Variants in RAB38 observed in about 807,000 individuals in gnomAD.
RAB38 encodes RAB38, member RAS oncogene family, also known as ras-related protein Rab-38.
Under a neutral mutation model 18.4 loss-of-function variants are expected in RAB38, and 15 were observed. The ratio of observed to expected loss-of-function variants is 0.82; its 90% CI spans 0.55 to 1.26. The LOEUF (loss-of-function observed/expected upper bound fraction) is 1.26, where lower values mean the gene tolerates loss of function less well. RAB38 is among the 50% of genes most tolerant of loss of function. RAB38 has a pLI of 0.00. For synonymous variants in RAB38, 101 were observed against 104.4 expected, an observed-to-expected ratio of 0.97 and a Z score of 0.20; for missense variants, 294 against 267.4, an observed-to-expected ratio of 1.10 and a Z score of -0.69.
the RAB38 span, among the ~76,000 whole-genome samples, chr11:87,953,088 G>T: frequency 6.6e-6 from 1 of 151,992 alleles, no homozygotes; most frequent in African/African-American, 2.4e-5. Context: ...GACTCCTGAT[G>T]ATCATTTCAT....
chr11:87,950,024 TAA>T, the RAB38 span, among the ~76,000 whole-genome samples: 2 of 152,210 alleles, frequency 1.3e-5, no homozygotes, highest in African/African-American at 4.8e-5. Flanking sequence ...TGTGGGAGTC[TAA>T]GTTTCTTTGT....
At chr11:88,003,526 G>GTATAATAGATTGTATATATTATATAATA in the RAB38 span, among the ~76,000 whole-genome samples, 62 of 672 alleles carry the variant, frequency 0.092, 29 homozygotes, top group South Asian at 0.43. Context: ...ATTATATATT[G>GTATAATAGATTGTATATATTATATAATA]TATAATAGAT....
At chr11:88,059,450 G>C in the RAB38 span, among the ~76,000 whole-genome samples, 1 of 152,198 alleles carries the variant, frequency 6.6e-6, no homozygotes, top group Non-Finnish European at 1.5e-5. Flanking sequence ...TCCCTCTTTA[G>C]AGAAGGTATT....
chr11:88,020,445 A>C, the RAB38 span, among the ~76,000 whole-genome samples: 1 of 152,320 alleles, frequency 6.6e-6, no homozygotes, highest in South Asian at 2.1e-4. Context: ...GAGCACCCAG[A>C]TATATAAACC....
At chr11:87,921,662 G>C in the RAB38 span, among the ~76,000 whole-genome samples, 1 of 127,662 alleles carries the variant, frequency 7.8e-6, no homozygotes, top group South Asian at 2.2e-4. Flanking sequence ...CCAGCTGTAA[G>C]CTTCTTGAGC....
chr11:88,122,193 C>A (rs923376697), intron 2 of RAB38, among the ~76,000 whole-genome samples: 1 of 152,060 alleles, frequency 6.6e-6, no homozygotes, highest in East Asian at 1.9e-4. Flanking sequence ...TTACTATTCC[C>A]GAGATACATT....
chr11:88,016,565 ATAAGTCCATGG>A, the RAB38 span, among the ~76,000 whole-genome samples: 1 of 152,078 alleles, frequency 6.6e-6, no homozygotes, highest in African/African-American at 2.4e-5. Flanking sequence ...ACAGACCTTG[ATAAGTCCATGG>A]TCACTTTCAC....
chr11:88,134,295 C>T (rs1306993578), intron 2 of RAB38, among the ~76,000 whole-genome samples: 1 of 152,096 alleles, frequency 6.6e-6, no homozygotes, highest in Non-Finnish European at 1.5e-5. Flanking sequence ...GGCTGAAGTA[C>T]AGTGGCGCAA....
At chr11:87,863,720 A>G in the RAB38 span, among the ~76,000 whole-genome samples, 3 of 151,722 alleles carry the variant, frequency 2.0e-5, no homozygotes, top group Admixed American at 6.6e-5. Context: ...CCATCTTTCT[A>G]TCTATATTAA....
the RAB38 span, chr11:87,817,251 C>T: frequency 6.6e-6 from 1 of 152,086 alleles, no homozygotes. Context: ...GAGCTGGTTC[C>T]ACTCCAGAAA....
chr11:88,079,355 T>C, the RAB38 span, among the ~76,000 whole-genome samples: 1 of 151,782 alleles, frequency 6.6e-6, no homozygotes, highest in African/African-American at 2.4e-5. Flanking sequence ...TCACACAAAG[T>C]ATCATAGCTC....
At chr11:87,956,548 C>T in the RAB38 span, among the ~76,000 whole-genome samples, 75 of 151,194 alleles carry the variant, frequency 5.0e-4, no homozygotes, top group African/African-American at 1.8e-3. Flanking sequence ...AGAAACCAAA[C>T]GGCAGGATAA....
chr11:88,150,781 A>G (rs979584890), intron 1 of RAB38, among the ~76,000 whole-genome samples: 5 of 152,202 alleles, frequency 3.3e-5, no homozygotes, highest in Admixed American at 1.3e-4. Flanking sequence ...GTCTTTTACC[A>G]ACATTAAATA....
chr11:87,835,447 G>A, the RAB38 span, among the ~76,000 whole-genome samples: 7 of 152,154 alleles, frequency 4.6e-5, no homozygotes, highest in African/African-American at 1.4e-4. Flanking sequence ...CCCGGCTTAG[G>A]GCATTTTAGC....
At chr11:87,902,143 G>C in the RAB38 span, among the ~76,000 whole-genome samples, 1 of 151,474 alleles carries the variant, frequency 6.6e-6, no homozygotes, top group Non-Finnish European at 1.5e-5. Context: ...GGTTGAAAAA[G>C]AGCTCATACG....
the RAB38 span, among the ~76,000 whole-genome samples, chr11:88,027,956 C>A: frequency 6.6e-6 from 1 of 152,192 alleles, no homozygotes; most frequent in Non-Finnish European, 1.5e-5. Flanking sequence ...GACCCCTGAG[C>A]AGCCTAACTG....
At chr11:88,090,432 C>A in the RAB38 span, among the ~76,000 whole-genome samples, 1 of 151,882 alleles carries the variant, frequency 6.6e-6, no homozygotes, top group Non-Finnish European at 1.5e-5. Context: ...TGGGCCTTTG[C>A]AATTTTTCCC....
chr11:87,954,663 A>G, the RAB38 span, among the ~76,000 whole-genome samples: 1 of 152,084 alleles, frequency 6.6e-6, no homozygotes, highest in African/African-American at 2.4e-5. Context: ...CAAGAGGATC[A>G]GCTGCTCAGG....
the RAB38 span, among the ~76,000 whole-genome samples, chr11:87,882,874 G>GA: frequency 6.6e-6 from 1 of 151,334 alleles, no homozygotes; most frequent in Non-Finnish European, 1.5e-5. Context: ...CTCTCCCCAA[G>GA]AAAAAAAATA....
Sources: gnomAD v4.1 joint callset for allele counts (sites outside exome capture counted in the v4.1 genomes callset) on GRCh38, gnomAD v4.1.1 for gene constraint, MANE v1.5 for transcripts, NCBI Gene and HGNC (gene_info 2026-07-23, HGNC 2026-07-21) for gene names.